The following WNT7B variants were observed in gnomAD, a reference collection of about 807,000 sequenced individuals.
WNT7B encodes the protein Wnt family member 7B.
In WNT7B, 19 loss-of-function variants were observed where a neutral mutation model predicts 38.2. The ratio of observed to expected loss-of-function variants is 0.50; its 90% CI spans 0.35 to 0.73. The LOEUF is 0.73. Ranked by LOEUF, WNT7B falls within the 30% of genes least tolerant of loss-of-function variation. The pLI is 0.01. For synonymous variants in WNT7B, 243 were observed against 209.3 expected (o/e 1.16, Z -1.39); for missense variants, 423 against 507.9 (o/e 0.83, Z 1.61).
chr22:45,949,642 C>T (rs1477502848), intron 2 of WNT7B, among the ~76,000 whole-genome samples: 5 of 152,244 alleles, frequency 3.3e-5, no homozygotes, highest in African/African-American at 9.6e-5. Flanking sequence ...CCTACAGGCC[C>T]AAGGGCCCAC....
chr22:45,968,992 G>C (rs1226062071), intron 1 of WNT7B, among the ~76,000 whole-genome samples: 1 of 152,228 alleles, frequency 6.6e-6, no homozygotes, highest in Non-Finnish European at 1.5e-5. Flanking sequence ...GCTGGGAGTT[G>C]CCCCTCCCCC....
intron 1 of WNT7B, among the ~76,000 whole-genome samples, chr22:45,967,274 A>C (rs529498694): frequency 1.7e-3 from 265 of 151,818 alleles, no homozygotes; most frequent in African/African-American, 5.9e-3. Flanking sequence ...CTGACAAGGG[A>C]GGGCGCCCGG....
At position 45,966,357 on chromosome 22, in the gene WNT7B, C is replaced by A. The variant is rs890046193; in HGVS notation, c.71+10327G>T. Among the ~76,000 whole-genome samples, 1 of 152,228 alleles carries A rather than the reference C, an allele frequency of 6.6e-6. No individual in the cohort carries two copies. Among genetic ancestry groups the A allele is most frequent in the Non-Finnish European group, 1.5e-5 (1 of 68,028 alleles). ...TCCTCACCCTGGCCACGCCAATACC[C>A]ACTGCGCGGAGGCCAGCTGAGACAC... is the stretch of plus-strand genomic sequence containing the variant. On this transcript the variant is annotated intron_variant, in intron 1 of 3. Transcript: ENST00000339464. The surrounding 1 kb of genome is among the most constrained non-coding windows in gnomAD (Gnocchi z 4.2).
chr22:45,949,683 G>A lies in WNT7B; in HGVS notation c.298+237C>T, dbSNP rs552031921. 7.2e-5 allele frequency among the ~76,000 whole-genome samples: 11 copies of A among 152,336 alleles called. No individual in the cohort carries two copies. In the South Asian group the frequency reaches 1.7e-3, roughly 23 times the overall value. ...CGTCACGACGATGTCCTCCAGCCCC[G>A]AGCAAGGACCTTCATCTGCACACAG... On this transcript the variant is annotated intron_variant, in intron 2 of 3. Coordinates refer to ENST00000339464, the MANE Select transcript of WNT7B (RefSeq NM_058238.3).
At chr22:45,942,256 G>T (rs1022030391) in intron 2 of WNT7B, among the ~76,000 whole-genome samples, 51 of 152,350 alleles carry the variant, frequency 3.3e-4, no homozygotes, top group Admixed American at 2.7e-3. Context: ...AGGACTCAAA[G>T]TGGCTGTTGG....
At position 45,931,358 on chromosome 22, in the gene WNT7B, C is replaced by T. The variant is rs1270555362; in HGVS notation, c.310G>A (p.Ala104Thr). 1.9e-6 allele frequency: 3 copies of T among 1,588,974 alleles called. No individual in the cohort carries two copies. The highest frequency in any genetic ancestry group is 2.6e-6 in the Non-Finnish European group (3 of 1,173,272). Reference protein sequence around the residue: ...GQELRVGSREAAFTYAITAAG... With the variant: ...GQELRVGSRETAFTYAITAAG... Reference sequence around the variant, plus strand: ...GCGGTGATGGCGTACGTGAAGGCAGCCTCACGGCTCCCTGCGGGGACAGAC... The same window carrying T: ...GCGGTGATGGCGTACGTGAAGGCAGTCTCACGGCTCCCTGCGGGGACAGAC... The change falls in exon 3 of 4, where the codon GCT (alanine) becomes ACT (threonine). Residue 104 changes from alanine to threonine, a missense_variant. Physicochemically the swap from Ala to Thr is moderately conservative, Grantham distance 58 (BLOSUM62 0). Transcript: ENST00000339464.
intron 3 of WNT7B, chr22:45,926,411 A>AG (rs1931084735): frequency 1.0e-6 from 1 of 985,266 alleles, no homozygotes; most frequent in Non-Finnish European, 1.2e-6. Flanking sequence ...TGGTGGACTG[A>AG]GGGGGCTCCA....
intron 1 of WNT7B, among the ~76,000 whole-genome samples, chr22:45,956,715 G>A (rs186526715): frequency 2.0e-4 from 31 of 152,348 alleles, no homozygotes; most frequent in Admixed American, 1.8e-3. Flanking sequence ...GTGACTACAC[G>A]GTGAGGAAAC....
intron 2 of WNT7B, among the ~76,000 whole-genome samples, chr22:45,942,526 T>G (rs951549650): frequency 1.3e-5 from 2 of 152,202 alleles, no homozygotes; most frequent in Non-Finnish European, 2.9e-5. Flanking sequence ...GCTTGTGCAG[T>G]TGAAGGATCA....
At chr22:45,973,654 G>C (rs946350182) in intron 1 of WNT7B, among the ~76,000 whole-genome samples, 3 of 152,226 alleles carry the variant, frequency 2.0e-5, no homozygotes, top group African/African-American at 4.8e-5. Context: ...TCCAAGGCTG[G>C]AGCTGAAGGC....
At chr22:45,967,529 C>A (rs974345346) in intron 1 of WNT7B, among the ~76,000 whole-genome samples, 9 of 117,762 alleles carry the variant, frequency 7.6e-5, no homozygotes, top group Admixed American at 7.1e-4. Flanking sequence ...GGCCCTGGGC[C>A]GATGGCCTAG....
At chr22:45,942,890 CGTGT>C (rs1322940173) in intron 2 of WNT7B, among the ~76,000 whole-genome samples, 1 of 149,688 alleles carries the variant, frequency 6.7e-6, no homozygotes, top group Non-Finnish European at 1.5e-5. Flanking sequence ...CATGTATGTG[CGTGT>C]GTGTGCGCGC....
intron 1 of WNT7B, among the ~76,000 whole-genome samples, chr22:45,955,489 G>A (rs1471801730): frequency 6.6e-6 from 1 of 152,266 alleles, no homozygotes; most frequent in Non-Finnish European, 1.5e-5. Context: ...TTCGCTCCAA[G>A]TGTGAAAACT....
chr22:45,929,141 C>T (rs75832228), intron 3 of WNT7B, among the ~76,000 whole-genome samples: 4,075 of 152,280 alleles, frequency 0.027, 71 homozygotes, highest in Non-Finnish European at 0.041. Context: ...GTGGTTCCCA[C>T]GAGGGCTCAG....
intron 2 of WNT7B, among the ~76,000 whole-genome samples, chr22:45,942,928 G>A (rs1931691621): frequency 6.7e-6 from 1 of 149,074 alleles, no homozygotes. Context: ...GCACGTGTGT[G>A]CATGTGTGTA....
At chr22:45,947,151 G>A (rs1392692586) in intron 2 of WNT7B, among the ~76,000 whole-genome samples, 2 of 152,244 alleles carry the variant, frequency 1.3e-5, no homozygotes, top group East Asian at 3.9e-4. Flanking sequence ...CGTGCTTGGG[G>A]AGGAGAGAGG....
intron 2 of WNT7B, among the ~76,000 whole-genome samples, chr22:45,944,836 C>T (rs887321124): frequency 6.6e-6 from 1 of 152,198 alleles, no homozygotes. Flanking sequence ...GACTGTCCTC[C>T]GAAAACGGCT....
At chr22:45,971,688 G>T (rs1448314816) in intron 1 of WNT7B, among the ~76,000 whole-genome samples, 1 of 152,204 alleles carries the variant, frequency 6.6e-6, no homozygotes, top group Non-Finnish European at 1.5e-5. Context: ...GTGAAGCGCG[G>T]CGTGCACGTG....
chr22:45,962,530 G>T (rs1389011477), intron 1 of WNT7B, among the ~76,000 whole-genome samples: 1 of 152,174 alleles, frequency 6.6e-6, no homozygotes, highest in Admixed American at 6.5e-5. Context: ...CCTCCAAGAA[G>T]TCCACCAGGG....
Sources: gnomAD v4.1 joint callset for allele counts (sites outside exome capture counted in the v4.1 genomes callset) on GRCh38, gnomAD v4.1.1 for gene constraint, Gnocchi (gnomAD v3.1) non-coding constraint, MANE v1.5 for transcripts, NCBI Gene and HGNC (gene_info 2026-07-23, HGNC 2026-07-21) for gene names.